Variants in IMMP2L observed in about 807,000 individuals in gnomAD.
IMMP2L encodes inner mitochondrial membrane peptidase subunit 2, also known as mitochondrial inner membrane protease subunit 2.
IMMP2L carries 18 observed loss-of-function variants against 19.3 expected under a neutral mutation model. That is an observed-to-expected ratio of 0.93 (90% CI 0.64 to 1.38). IMMP2L has a LOEUF of 1.38. Ranked by LOEUF, IMMP2L falls within the 40% of genes most tolerant of loss-of-function variation. The pLI is 0.00. For synonymous variants in IMMP2L, 76 were observed against 73.0 expected (o/e 1.04, Z -0.21); for missense variants, 233 against 218.2 (o/e 1.07, Z -0.43).
At chr7:110,857,695 C>A (rs1563029617) in intron 5 of IMMP2L, among the ~76,000 whole-genome samples, 1 of 152,050 alleles carries the variant, frequency 6.6e-6, no homozygotes, top group Non-Finnish European at 1.5e-5. Context: ...AAAATCCAGT[C>A]AGTCCTGAGG....
chr7:111,553,727 T>C (rs1790937860), intron 1 of IMMP2L, among the ~76,000 whole-genome samples: 1 of 152,166 alleles, frequency 6.6e-6, no homozygotes, highest in Non-Finnish European at 1.5e-5. Context: ...ATTACACAAA[T>C]GTAGTAAAAT....
chr7:110,824,682 A>T (rs1053275070), intron 5 of IMMP2L, among the ~76,000 whole-genome samples: 2 of 152,100 alleles, frequency 1.3e-5, no homozygotes, highest in African/African-American at 2.4e-5. Context: ...TTGCACTTTC[A>T]ATGGATCTTT....
At chr7:111,027,346 T>C (rs1035695544) in intron 3 of IMMP2L, among the ~76,000 whole-genome samples, 1 of 152,170 alleles carries the variant, frequency 6.6e-6, no homozygotes, top group African/African-American at 2.4e-5. Context: ...TTAGTGATGT[T>C]ATATATTTTA....
intron 5 of IMMP2L, among the ~76,000 whole-genome samples, chr7:110,850,339 C>T (rs1362719460): frequency 6.6e-6 from 1 of 152,064 alleles, no homozygotes; most frequent in African/African-American, 2.4e-5. Flanking sequence ...TGACAATGAC[C>T]CAGAAGTTAC....
At chr7:111,282,958 A>G (rs2130697810) in intron 3 of IMMP2L, among the ~76,000 whole-genome samples, 1 of 152,282 alleles carries the variant, frequency 6.6e-6, no homozygotes, top group South Asian at 2.1e-4. Context: ...GACTTGAACA[A>G]TACTATAAAC....
intron 3 of IMMP2L, among the ~76,000 whole-genome samples, chr7:111,339,217 C>T (rs1243502262): frequency 6.6e-6 from 1 of 151,924 alleles, no homozygotes; most frequent in Non-Finnish European, 1.5e-5. Context: ...GACTATTCAT[C>T]AGAAATTATA....
At chr7:111,453,496 T>G (rs1422324897) in intron 3 of IMMP2L, among the ~76,000 whole-genome samples, 1 of 152,214 alleles carries the variant, frequency 6.6e-6, no homozygotes, top group Non-Finnish European at 1.5e-5. Flanking sequence ...TTTTAAAGTA[T>G]TCATTGTAAA....
At chr7:111,086,256 A>G (rs927255638) in intron 3 of IMMP2L, among the ~76,000 whole-genome samples, 8 of 143,304 alleles carry the variant, frequency 5.6e-5, no homozygotes, top group African/African-American at 2.1e-4. Flanking sequence ...CTACTCAAAG[A>G]AAAAAAAAAG....
chr7:110,986,830 A>T (rs1239869621), intron 3 of IMMP2L, among the ~76,000 whole-genome samples: 1 of 151,962 alleles, frequency 6.6e-6, no homozygotes, highest in Admixed American at 6.6e-5. Flanking sequence ...GTAAAAAAAA[A>T]AAAAAAAATC....
At position 111,300,860 on chromosome 7, in the gene IMMP2L, T is replaced by C. The variant is rs73718203; in HGVS notation, c.239+186378A>G. ...ACTGACAGTTGCAGAACATTCAGGA[T>C]GTTGCCAGTTTGGGCCCACCAATAA... On this transcript the variant is annotated intron_variant, in intron 3 of 5. Transcript: ENST00000405709. Among the ~76,000 whole-genome samples, 311 of 152,226 alleles carry C rather than the reference T, an allele frequency of 2.0e-3. 3 individuals are homozygous for C. The highest frequency in any genetic ancestry group is 7.1e-3 in the African/African-American group (295 of 41,556).
intron 3 of IMMP2L, among the ~76,000 whole-genome samples, chr7:111,145,506 A>G (rs772099072): frequency 3.3e-5 from 5 of 152,174 alleles, no homozygotes; most frequent in Non-Finnish European, 7.4e-5. Context: ...AAGCAGCAGC[A>G]GAGATAGTAA....
intron 3 of IMMP2L, among the ~76,000 whole-genome samples, chr7:111,469,347 G>T (rs1469649938): frequency 1.3e-5 from 2 of 152,090 alleles, no homozygotes; most frequent in Admixed American, 1.3e-4. Context: ...ACCTTGGGCA[G>T]TATGGCCATT....
intron 3 of IMMP2L, among the ~76,000 whole-genome samples, chr7:111,146,485 T>A (rs1230569502): frequency 6.6e-6 from 1 of 152,214 alleles, no homozygotes; most frequent in Admixed American, 6.5e-5. Flanking sequence ...ACAGCCTGTT[T>A]GTTTAGCTTA....
chr7:110,682,902 A>T (rs1047585030), intron 5 of IMMP2L, among the ~76,000 whole-genome samples: 3 of 152,152 alleles, frequency 2.0e-5, no homozygotes, highest in South Asian at 4.1e-4. Context: ...AATGCTAGAA[A>T]GCTACTGACT....
intron 5 of IMMP2L, among the ~76,000 whole-genome samples, chr7:110,867,415 T>C (rs1324890957): frequency 2.0e-5 from 3 of 151,982 alleles, no homozygotes; most frequent in Non-Finnish European, 4.4e-5. Flanking sequence ...CAGAAGGACA[T>C]AATTCAGTGC....
intron 5 of IMMP2L, among the ~76,000 whole-genome samples, chr7:110,825,044 T>C (rs1235068946): frequency 6.6e-6 from 1 of 151,770 alleles, no homozygotes; most frequent in Non-Finnish European, 1.5e-5. Flanking sequence ...TATACACCAG[T>C]AACAAACAAA....
intron 3 of IMMP2L, among the ~76,000 whole-genome samples, chr7:111,319,000 C>T (rs1440302636): frequency 6.6e-6 from 1 of 152,146 alleles, no homozygotes; most frequent in Non-Finnish European, 1.5e-5. Flanking sequence ...ATGTTGTCCA[C>T]ACATCACAAT....
intron 3 of IMMP2L, among the ~76,000 whole-genome samples, chr7:111,441,720 T>TAAAAAAAAA (rs11312650): frequency 7.2e-6 from 1 of 138,244 alleles, no homozygotes. Context: ...TTCAACTTGT[T>TAAAAAAAAA]AAAAAAAAAA....
chr7:111,148,840 C>T (rs1162395249), intron 3 of IMMP2L, among the ~76,000 whole-genome samples: 1 of 151,890 alleles, frequency 6.6e-6, no homozygotes, highest in Admixed American at 6.6e-5. Flanking sequence ...TTATGAAACA[C>T]TTGAATACTA....
Sources: gnomAD v4.1 joint callset for allele counts (sites outside exome capture counted in the v4.1 genomes callset) on GRCh38, gnomAD v4.1.1 for gene constraint, MANE v1.5 for transcripts, NCBI Gene and HGNC (gene_info 2026-07-23, HGNC 2026-07-21) for gene names.